The following NPHP3 variants were observed in gnomAD, a reference collection of about 807,000 sequenced individuals.
NPHP3 encodes the protein nephrocystin 3.
A neutral mutation model predicts 171.9 loss-of-function variants in NPHP3; 123 were observed. The observed-to-expected ratio is 0.72, with a 90% CI of 0.62 to 0.83. The LOEUF (loss-of-function observed/expected upper bound fraction) is 0.83. Ranked by LOEUF, NPHP3 falls within the 40% of genes least tolerant of loss-of-function variation. The pLI, the probability that NPHP3 is intolerant of heterozygous loss-of-function variation, is 0.00. For missense variants in NPHP3, 1,506 were observed against 1,591.9 expected, an observed-to-expected ratio of 0.95 and a Z score of 0.92; for synonymous variants, 558 against 579.2, an observed-to-expected ratio of 0.96 and a Z score of 0.52.
chr3:132,719,407 A>C (rs2108003225), intron 2 of NPHP3, among the ~76,000 whole-genome samples: 1 of 152,246 alleles, frequency 6.6e-6, no homozygotes, highest in Middle Eastern at 3.4e-3. Flanking sequence ...TCTCCCACTA[A>C]ATACCAATAA....
chr3:132,695,005 C>T, intron 15 of NPHP3, 40 bp from the exon 16 acceptor site: 5 of 1,607,458 alleles, frequency 3.1e-6, no homozygotes, highest in Non-Finnish European at 4.3e-6. Context: ...TTACAGATTG[C>T]CAACATCTGT....
chr3:132,719,756 C>G lies in NPHP3; in HGVS notation c.468G>C (p.Glu156Asp). The G allele has an allele frequency of 6.3e-7, 1 of 1,597,798 alleles. No individual in the cohort carries two copies. Among genetic ancestry groups the G allele is most frequent in the Non-Finnish European group, 8.5e-7 (1 of 1,170,098 alleles). Residue 156 changes from glutamate to aspartate, a missense_variant, in exon 2 of 27, where the codon GAG becomes GAC. By Grantham distance (45) the Glu-to-Asp change is conservative. Around this residue, in one of 3 missense-constraint regions of NPHP3, gnomAD observed 930 missense variants for 924.9 expected, o/e 1.01. Coordinates refer to ENST00000337331, the MANE Select transcript of NPHP3 (RefSeq NM_153240.5). ...SALEAKYQAM[E>D]RAATFEHDRD... ...TGTCATGTTCAAATGTTGCTGCTCTCTCCATTGCTTGGTATTTCGCTTCTA... is the reference window on the plus strand; with the variant it reads ...TGTCATGTTCAAATGTTGCTGCTCTGTCCATTGCTTGGTATTTCGCTTCTA...
rs542131508 is a variant in NPHP3, at chr3:132,696,732, G to C, written c.2170C>G (p.Arg724Gly). Residue 724 changes from arginine (R) to glycine (G), a missense_variant and splice_region_variant, in exon 15 of 27, where the codon CGT (arginine) becomes GGT (glycine). Physicochemically the swap from Arg to Gly is moderately radical, Grantham distance 125 (BLOSUM62 -2). Around this residue, in one of 3 missense-constraint regions of NPHP3, gnomAD observed 930 missense variants for 924.9 expected, o/e 1.01. Transcript: ENST00000337331. ...YVTLFGKMIA[R>G]AGRAGNLDKI... ...TCATGTAAAATAATCACCACTCACC[G>C]CGCGATCATTTTGCCGAAAAGGGTG... is the stretch of plus-strand genomic sequence containing the variant. 6.2e-7 allele frequency: 1 copy of C among 1,613,294 alleles called. No homozygotes were observed. Among genetic ancestry groups the C allele is most frequent in the Non-Finnish European group, 8.5e-7 (1 of 1,179,408 alleles).
At chr3:132,695,712 T>A (rs1035084886) in intron 15 of NPHP3, among the ~76,000 whole-genome samples, 4 of 152,106 alleles carry the variant, frequency 2.6e-5, no homozygotes, top group African/African-American at 9.7e-5. Context: ...AGCAGGTGGA[T>A]TGCTTGAGCC....
chr3:132,722,255 A>C lies in NPHP3; in HGVS notation c.101T>G (p.Val34Gly). 1 of 1,570,644 alleles carries C rather than the reference A, an allele frequency of 6.4e-7. No homozygotes were observed. The highest frequency in any genetic ancestry group is 8.6e-7 in the Non-Finnish European group (1 of 1,168,208). Residue 34 changes from valine to glycine, a missense_variant, in exon 1 of 27, where the codon GTG becomes GGG. Val to Gly is a moderately radical substitution (Grantham distance 109). This residue lies in a region of NPHP3 where 930 missense variants were observed against 924.9 expected (regional missense o/e 1.01). Transcript: ENST00000337331. The part of the protein sequence containing the change: ...GGEACEIPVE[V>G]KPKARLLRNS... ...GCGCAGCAGGCGGGCCTTGGGCTTC[A>C]CCTCCACCGGGATCTCGCAGGCCTC... is the stretch of plus-strand genomic sequence containing the variant.
At chr3:132,719,659 T>C (rs1560017550) in intron 2 of NPHP3, 46 bp downstream of exon 2, 2 of 1,290,296 alleles carry the variant, frequency 1.6e-6, no homozygotes, top group Non-Finnish European at 2.1e-6. Flanking sequence ...TAGAATATAC[T>C]ATTTTATTCT....
At chr3:132,690,875 C>G (rs929387186) in intron 18 of NPHP3, among the ~76,000 whole-genome samples, 1 of 151,788 alleles carries the variant, frequency 6.6e-6, no homozygotes, top group Non-Finnish European at 1.5e-5. Flanking sequence ...AAGTATTTTC[C>G]TAAAATTGAA....
rs974336070 is a variant in NPHP3, at chr3:132,716,571, A to T, written c.823+186T>A. Among the ~76,000 whole-genome samples, 7 of 152,334 alleles carry T rather than the reference A, an allele frequency of 4.6e-5. 1 individual carries two copies. Among genetic ancestry groups the T allele is most frequent in the African/African-American group, 1.7e-4 (7 of 41,576 alleles). ...TTGGCAGGAGTACCATCTGATCACC[A>T]TATGAATTATGCAACCTCATCCTTC... On this transcript the variant is annotated intron_variant, in intron 4 of 26. Coordinates refer to ENST00000337331, the MANE Select transcript of NPHP3 (RefSeq NM_153240.5).
intron 1 of NPHP3, chr3:132,721,756 G>A: frequency 1.3e-6 from 1 of 742,536 alleles, no homozygotes; most frequent in Non-Finnish European, 2.4e-6. Flanking sequence ...AGCCGCGATC[G>A]TGCCACCGCA....
At chr3:132,693,989 A>G (rs547272881) in intron 16 of NPHP3, 4 of 152,276 alleles carry the variant, frequency 2.6e-5, no homozygotes, top group African/African-American at 9.6e-5. Flanking sequence ...TTCTAAAAAT[A>G]TATATATGGA....
intron 1 of NPHP3, among the ~76,000 whole-genome samples, chr3:132,721,160 C>T (rs572041583): frequency 1.6e-4 from 24 of 152,130 alleles, no homozygotes; most frequent in Non-Finnish European, 2.4e-4. Flanking sequence ...TCAGGTGATC[C>T]GTCCGCCTAG....
At chr3:132,716,091 T>C (rs1443306507) in intron 4 of NPHP3, among the ~76,000 whole-genome samples, 1 of 152,206 alleles carries the variant, frequency 6.6e-6, no homozygotes, top group Non-Finnish European at 1.5e-5. Context: ...TCATCAACTA[T>C]CATTAGTGTT....
chr3:132,720,533 T>C (rs954027517), intron 1 of NPHP3, among the ~76,000 whole-genome samples: 1 of 152,154 alleles, frequency 6.6e-6, no homozygotes, highest in Admixed American at 6.5e-5. Flanking sequence ...GTCCATTTTA[T>C]ACATGCAAGT....
intron 13 of NPHP3, 27 bp downstream of exon 13, chr3:132,699,326 C>T (rs761077232): frequency 2.7e-6 from 4 of 1,464,026 alleles, no homozygotes; most frequent in Non-Finnish European, 3.8e-6. Context: ...TTCATGTACT[C>T]TGAAAGAACT....
chr3:132,721,871 G>T, intron 1 of NPHP3, 92 bp downstream of exon 1: 1 of 1,483,440 alleles, frequency 6.7e-7, no homozygotes, highest in Non-Finnish European at 9.2e-7. Context: ...GGCAGTTTCC[G>T]CCGAACTTTC....
Position 132,716,878 on chromosome 3 carries a change from G to T in NPHP3, c.702C>A (p.Gly234=), listed in dbSNP as rs768700776. The T allele has an allele frequency of 1.2e-6, 2 of 1,614,006 alleles. No individual in the cohort carries two copies. ...AAGTQCEYWT[G]GALGSEPSIG... is the part of the protein sequence containing the mutation. ...TGGAAGGTTCACTTCCCAAGGCTCCGCCAGTCCAATATTCACATTGGGTTC... is the reference window on the plus strand; with the variant it reads ...TGGAAGGTTCACTTCCCAAGGCTCCTCCAGTCCAATATTCACATTGGGTTC... The change falls in exon 4 of 27, where the codon GGC becomes GGA. Residue 234 remains glycine, a synonymous_variant. Transcript: ENST00000337331.
intron 6 of NPHP3, among the ~76,000 whole-genome samples, chr3:132,709,317 C>G (rs1474418448): frequency 1.8e-5 from 2 of 110,684 alleles, no homozygotes; most frequent in Non-Finnish European, 3.3e-5. Context: ...GGGTCTCACT[C>G]TGTCACCCAG....
At chr3:132,685,984 G>A (rs563189707) in intron 23 of NPHP3, 26 of 359,196 alleles carry the variant, frequency 7.2e-5, no homozygotes, top group East Asian at 6.2e-4. Flanking sequence ...GGGAGGTGGA[G>A]GTTGCAGTGA....
chr3:132,692,467 A>T (rs1318640136), intron 17 of NPHP3, among the ~76,000 whole-genome samples, 187 bp downstream of exon 17: 1 of 152,206 alleles, frequency 6.6e-6, no homozygotes, highest in Non-Finnish European at 1.5e-5. Context: ...TTAACGTGAG[A>T]TCTACCCTCT....
Sources: allele counts gnomAD v4.1 joint callset (sites outside exome capture counted in the v4.1 genomes callset), GRCh38; gene constraint gnomAD v4.1.1; regional missense constraint gnomAD v4.1.1; transcripts MANE v1.5; gene names NCBI Gene and HGNC (gene_info 2026-07-23, HGNC 2026-07-21).